RNFT1: variants seen among roughly 807,000 people sequenced by gnomAD.
RNFT1 encodes ring finger protein, transmembrane 1, also known as E3 ubiquitin-protein ligase RNFT1.
In RNFT1, 35 loss-of-function variants were observed where a neutral mutation model predicts 53.2. The ratio of observed to expected loss-of-function variants is 0.66; its 90% CI spans 0.50 to 0.87. The LOEUF (loss-of-function observed/expected upper bound fraction) is 0.87. RNFT1 is among the 40% of genes least tolerant of loss of function. The probability of loss-of-function intolerance (pLI) is 0.00; values close to 1 mark genes in which losing one functional copy is unlikely to be tolerated. For synonymous variants in RNFT1, 141 were observed against 172.8 expected (o/e 0.82, Z 1.44); for missense variants, 421 against 515.0 (o/e 0.82, Z 1.77).
At chr17:59,958,789 T>A (rs779146158) in intron 4 of RNFT1, 2 of 385,726 alleles carry the variant, frequency 5.2e-6, no homozygotes, top group Non-Finnish European at 1.0e-5. Context: ...TTCCTTTCAA[T>A]GAATTGCTTG....
At chr17:59,960,457 G>GA (rs2045282366) in intron 3 of RNFT1, among the ~76,000 whole-genome samples, 1 of 81,526 alleles carries the variant, frequency 1.2e-5, no homozygotes, top group Non-Finnish European at 2.5e-5. Flanking sequence ...AAAAAAAAAA[G>GA]AAAATTAAAT....
rs115215316 is a variant in RNFT1, at chr17:59,952,634, A to T, written c.*343T>A. On this transcript the variant is annotated 3_prime_UTR_variant, in exon 9 of 9. Coordinates refer to ENST00000305783, the MANE Select transcript of RNFT1 (RefSeq NM_016125.4). ...AAAAATATTCTTTATTCTGAAAACA[A>T]TGTCAGGAAAGAATACCTGAGTTCT... 652 of 164,370 alleles carry T rather than the reference A, an allele frequency of 4.0e-3. 6 individuals carry two copies. The highest frequency in any genetic ancestry group is 0.014 in the African/African-American group (596 of 42,084). 10.2% of individuals were successfully genotyped at this position (164,370 alleles called of 1,614,324 possible).
At chr17:59,954,834 T>G (rs1433138966) in intron 7 of RNFT1, among the ~76,000 whole-genome samples, 2 of 152,232 alleles carry the variant, frequency 1.3e-5, no homozygotes, top group African/African-American at 4.8e-5. Context: ...GTAGAATAAC[T>G]ACTGTCAAAA....
At chr17:59,955,447 T>A (rs1414153682) in intron 7 of RNFT1, among the ~76,000 whole-genome samples, 2 of 152,202 alleles carry the variant, frequency 1.3e-5, no homozygotes, top group East Asian at 3.8e-4. Flanking sequence ...ATGACTGATA[T>A]CCTCTCTGTA....
chr17:59,954,582 G>A (rs2045242505), intron 7 of RNFT1, among the ~76,000 whole-genome samples: 1 of 152,132 alleles, frequency 6.6e-6, no homozygotes, highest in Non-Finnish European at 1.5e-5. Context: ...TGGAAAGCTT[G>A]CTTTAAAAAT....
rs571929480 is a variant in RNFT1 at position 59,952,758 on chromosome 17, A to C, written c.*219T>G. 1.1e-5 allele frequency: 4 copies of C among 363,298 alleles called. No homozygotes were observed. The highest frequency in any genetic ancestry group is 2.0e-5 in the Non-Finnish European group (4 of 204,154). 22.5% of individuals were successfully genotyped at this position (363,298 alleles called of 1,614,324 possible). A position where few individuals can be genotyped will look rare whatever the true frequency, so the allele number is the denominator to read the frequency against. The stretch of plus-strand genomic sequence containing the variant: ...CAGTTACCTGTCAAATAATTAGAAT[A>C]GAATAAATGTTGCATATACATTAGG... On this transcript the variant is annotated 3_prime_UTR_variant, in exon 9 of 9. Coordinates refer to ENST00000305783, the MANE Select transcript of RNFT1 (RefSeq NM_016125.4).
intron 4 of RNFT1, chr17:59,959,467 C>G (rs1184166593): frequency 1.3e-5 from 2 of 152,344 alleles, no homozygotes; most frequent in Admixed American, 1.3e-4. Context: ...AGTAAGTGTT[C>G]TTACTTTCAG....
In RNFT1 at chr17:59,957,391, TAAG is replaced by T. The variant is rs772021545; in HGVS notation, c.847-12_847-10del. ...AGCATATACCAGTAACCCTAAAAAA[TAAG>T]AAGAAAACAAATAGAGCTACCCAAA... On this transcript the variant is annotated splice_polypyrimidine_tract_variant and intron_variant, in intron 5 of 8. Transcript: ENST00000305783. 8.1e-6 allele frequency: 13 copies of T among 1,601,052 alleles called. No individual in the cohort carries two copies. In the South Asian group the frequency reaches 1.0e-4, roughly 13 times the overall value.
intron 5 of RNFT1, among the ~76,000 whole-genome samples, chr17:59,957,848 A>G (rs2045263663): frequency 6.6e-6 from 1 of 152,108 alleles, no homozygotes; most frequent in Admixed American, 6.5e-5. Flanking sequence ...CAATCTCAAA[A>G]CAAAACAAAA....
At position 59,964,637 on chromosome 17, in the gene RNFT1, C is replaced by T; in HGVS notation, c.27G>A (p.Pro9=). 1 of 1,608,152 alleles carries T rather than the reference C, an allele frequency of 6.2e-7. No homozygotes were observed. The highest frequency in any genetic ancestry group is 8.5e-7 in the Non-Finnish European group (1 of 1,177,550). The change falls in exon 1 of 9, where the codon CCG becomes CCA. Residue 9 remains proline (P), a synonymous_variant. Transcript: ENST00000305783. ...CATGACCAGAAGCGGACGGAGGTGTCGGGAGCGACAGCAAGAACAGCGGCA... is the reference window on the plus strand; with the variant it reads ...CATGACCAGAAGCGGACGGAGGTGTTGGGAGCGACAGCAAGAACAGCGGCA... MPLFLLSL[P]TPPSASGHER...
chr17:59,963,895 C>G (rs1319547163), intron 1 of RNFT1, among the ~76,000 whole-genome samples: 1 of 152,090 alleles, frequency 6.6e-6, no homozygotes, highest in African/African-American at 2.4e-5. Context: ...ATTACCTCCC[C>G]GCGCAAAAGA....
intron 3 of RNFT1, among the ~76,000 whole-genome samples, chr17:59,960,590 C>T (rs184498716): frequency 3.5e-4 from 53 of 151,844 alleles, no homozygotes; most frequent in Non-Finnish European, 5.4e-4. Context: ...GTCGGCGGAT[C>T]GCTTGAGGTC....
intron 8 of RNFT1, among the ~76,000 whole-genome samples, 170 bp from the exon 9 acceptor site, chr17:59,953,281 C>T (rs1472138313): frequency 2.0e-5 from 3 of 151,816 alleles, no homozygotes; most frequent in East Asian, 1.9e-4. Flanking sequence ...CTGCAACCTC[C>T]GCCCCCGACT....
intron 4 of RNFT1, chr17:59,958,720 C>A (rs1306516687): frequency 2.0e-6 from 1 of 495,414 alleles, no homozygotes; most frequent in South Asian, 1.6e-5. Context: ...GAAAAAAACT[C>A]ATCAATACCA....
Position 59,957,391 on chromosome 17 carries a change from T to G in RNFT1, c.847-9A>C, listed in dbSNP as rs770376798. 3.5e-5 allele frequency: 56 copies of G among 1,600,934 alleles called. No individual in the cohort carries two copies. Among genetic ancestry groups the G allele is most frequent in the Non-Finnish European group, 4.4e-5 (52 of 1,176,040 alleles). Reference sequence around the variant, plus strand: ...AGCATATACCAGTAACCCTAAAAAATAAGAAGAAAACAAATAGAGCTACCC... The same window carrying G: ...AGCATATACCAGTAACCCTAAAAAAGAAGAAGAAAACAAATAGAGCTACCC... On this transcript the variant is annotated splice_polypyrimidine_tract_variant and intron_variant, in intron 5 of 8. Transcript: ENST00000305783.
rs1190561034 is a variant in RNFT1 at position 59,952,986 on chromosome 17, T to C, written c.1299A>G (p.Gln433=). 6.2e-7 allele frequency: 1 copy of C among 1,612,884 alleles called. No individual in the cohort carries two copies. Among genetic ancestry groups the C allele is most frequent in the South Asian group, 1.1e-5 (1 of 91,032 alleles). ...WKDGATSSHL[Q]IY ...TGATAGTTTATACAACTTAATATATTTGAAGGTGTGATGAAGTGGCTCCAT... is the reference window on the plus strand; with the variant it reads ...TGATAGTTTATACAACTTAATATATCTGAAGGTGTGATGAAGTGGCTCCAT... Residue 433 remains glutamine, a synonymous_variant, in exon 9 of 9, where the codon CAA becomes CAG. Coordinates refer to ENST00000305783, the MANE Select transcript of RNFT1 (RefSeq NM_016125.4).
chr17:59,954,873 ATTTTC>A (rs1174526600), intron 7 of RNFT1, among the ~76,000 whole-genome samples: 4 of 152,212 alleles, frequency 2.6e-5, no homozygotes, highest in African/African-American at 2.4e-5. Flanking sequence ...AATTATTTGA[ATTTTC>A]TTCTCTTCTA....
At chr17:59,954,953 C>T (rs948997927) in intron 7 of RNFT1, among the ~76,000 whole-genome samples, 2 of 152,156 alleles carry the variant, frequency 1.3e-5, no homozygotes, top group Non-Finnish European at 2.9e-5. Flanking sequence ...AGAACTTAGT[C>T]ATTAACTAGA....
At chr17:59,962,362 A>G in intron 3 of RNFT1, 178 bp downstream of exon 3, 2 of 547,560 alleles carry the variant, frequency 3.7e-6, no homozygotes, top group Non-Finnish European at 6.5e-6. Flanking sequence ...GGAATTCAGC[A>G]TTAGGAGAGA....
Sources: allele counts gnomAD v4.1 joint callset (sites outside exome capture counted in the v4.1 genomes callset), GRCh38; gene constraint gnomAD v4.1.1; transcripts MANE v1.5; gene names NCBI Gene and HGNC (gene_info 2026-07-23, HGNC 2026-07-21).